CSGALNACT1: variants seen among roughly 807,000 people sequenced by gnomAD.
CSGALNACT1 encodes the protein chondroitin sulfate N-acetylgalactosaminyltransferase 1.
CSGALNACT1 carries 52 observed loss-of-function variants against 51.0 expected under a neutral mutation model. That is an observed-to-expected ratio of 1.02 (90% CI 0.82 to 1.29). The LOEUF (loss-of-function observed/expected upper bound fraction) is 1.29, where lower values mean the gene tolerates loss of function less well. CSGALNACT1 is among the 50% of genes most tolerant of loss of function. CSGALNACT1 has a pLI of 0.00. For missense variants in CSGALNACT1, 935 were observed against 679.2 expected (o/e 1.38, Z -4.19); for synonymous variants, 341 against 254.4 (o/e 1.34, Z -3.24).
At chr8:19,433,042 G>A (rs886826278) in intron 6 of CSGALNACT1, among the ~76,000 whole-genome samples, 6 of 151,868 alleles carry the variant, frequency 4.0e-5, no homozygotes, top group African/African-American at 1.5e-4. Context: ...AATGTATTAT[G>A]GTAAGCCTAG....
chr8:19,515,022 T>C (rs2079245567), intron 3 of CSGALNACT1, among the ~76,000 whole-genome samples: 1 of 152,106 alleles, frequency 6.6e-6, no homozygotes, highest in Admixed American at 6.5e-5. Flanking sequence ...GCATTACAAG[T>C]GTCCTTGGGG....
At chr8:19,426,026 G>A (rs1301670849) in intron 6 of CSGALNACT1, among the ~76,000 whole-genome samples, 2 of 152,192 alleles carry the variant, frequency 1.3e-5, no homozygotes, top group Admixed American at 1.3e-4. Flanking sequence ...AGATCTGTAT[G>A]AGGGGCTCTA....
intron 4 of CSGALNACT1, among the ~76,000 whole-genome samples, chr8:19,474,697 C>T (rs776647854): frequency 1.3e-5 from 2 of 151,440 alleles, no homozygotes; most frequent in African/African-American, 4.9e-5. Flanking sequence ...GGCAAAACCC[C>T]GTCTTTACTA....
chr8:19,493,462 C>G (rs1393836137), intron 4 of CSGALNACT1, among the ~76,000 whole-genome samples: 2 of 152,034 alleles, frequency 1.3e-5, no homozygotes, highest in Non-Finnish European at 2.9e-5. Flanking sequence ...CCAAAAGAAA[C>G]TAAGTATTCA....
intron 3 of CSGALNACT1, among the ~76,000 whole-genome samples, chr8:19,581,066 A>G (rs1363013862): frequency 6.6e-6 from 1 of 152,214 alleles, no homozygotes; most frequent in African/African-American, 2.4e-5. Flanking sequence ...GAGAATAATG[A>G]GAAAGAAGCA....
intron 4 of CSGALNACT1, among the ~76,000 whole-genome samples, chr8:19,474,312 A>T (rs1203213126): frequency 6.6e-6 from 1 of 152,146 alleles, no homozygotes; most frequent in Non-Finnish European, 1.5e-5. Context: ...TTGAATATCT[A>T]CTTTCCAATA....
At chr8:19,636,865 G>A (rs573615427) in intron 1 of CSGALNACT1, among the ~76,000 whole-genome samples, 1 of 152,112 alleles carries the variant, frequency 6.6e-6, no homozygotes, top group Non-Finnish European at 1.5e-5. Context: ...ACTGAAGAAA[G>A]CAAGGACATG....
intron 1 of CSGALNACT1, among the ~76,000 whole-genome samples, chr8:19,642,297 T>C (rs2056823742): frequency 6.6e-6 from 1 of 152,132 alleles, no homozygotes; most frequent in African/African-American, 2.4e-5. Context: ...ACGGTTACAA[T>C]GACTAAGTTC....
chr8:19,419,845 G>A (rs1413578623), intron 7 of CSGALNACT1, among the ~76,000 whole-genome samples: 1 of 152,160 alleles, frequency 6.6e-6, no homozygotes, highest in Non-Finnish European at 1.5e-5. Flanking sequence ...GACGTGGTTT[G>A]GCTGTGTCCC....
At chr8:19,605,128 CAAAAGCA>C (rs2051189680), upstream of CSGALNACT1, among the ~76,000 whole-genome samples, 1 of 151,984 alleles carries the variant, frequency 6.6e-6, no homozygotes, top group East Asian at 1.9e-4. Flanking sequence ...AAGTATTTGC[CAAAAGCA>C]AAAACTAAAT....
At chr8:19,611,927 T>C (rs1182531434) in intron 1 of CSGALNACT1, among the ~76,000 whole-genome samples, 1 of 152,000 alleles carries the variant, frequency 6.6e-6, no homozygotes, top group African/African-American at 2.4e-5. Context: ...CTTGGATCTG[T>C]TGCCTTTATG....
intron 1 of CSGALNACT1, among the ~76,000 whole-genome samples, chr8:19,751,609 C>G (rs1341842633): frequency 1.3e-5 from 2 of 152,114 alleles, no homozygotes; most frequent in Non-Finnish European, 2.9e-5. Flanking sequence ...TGGTTGGGTT[C>G]TATGCCCCCA....
intron 3 of CSGALNACT1, among the ~76,000 whole-genome samples, chr8:19,506,751 G>C (rs115605359): frequency 7.9e-5 from 12 of 152,252 alleles, no homozygotes; most frequent in African/African-American, 2.9e-4. Context: ...ACTCCCTCCT[G>C]CTCCCACCAT....
chr8:19,552,500 T>C (rs369316966), intron 3 of CSGALNACT1, among the ~76,000 whole-genome samples: 4 of 152,286 alleles, frequency 2.6e-5, no homozygotes, highest in African/African-American at 9.6e-5. Flanking sequence ...TTTCTTTTTT[T>C]TGTCTAATAG....
intron 6 of CSGALNACT1, among the ~76,000 whole-genome samples, chr8:19,439,550 T>A (rs1316592592): frequency 6.6e-6 from 1 of 152,222 alleles, no homozygotes. Flanking sequence ...CCCAGTTATA[T>A]GGAAGCTCAA....
At chr8:19,667,405 C>T (rs371233260) in intron 1 of CSGALNACT1, among the ~76,000 whole-genome samples, 3 of 152,184 alleles carry the variant, frequency 2.0e-5, no homozygotes, top group Non-Finnish European at 4.4e-5. Context: ...CACTGCACTC[C>T]AGCCTGAGCA....
At chr8:19,648,347 C>G (rs2057463994) in intron 1 of CSGALNACT1, among the ~76,000 whole-genome samples, 1 of 152,198 alleles carries the variant, frequency 6.6e-6, no homozygotes, top group African/African-American at 2.4e-5. Context: ...CACTCTCATT[C>G]TCTGCTGGAA....
At chr8:19,440,787 T>C (rs2061202069) in intron 5 of CSGALNACT1, among the ~76,000 whole-genome samples, 1 of 151,966 alleles carries the variant, frequency 6.6e-6, no homozygotes, top group South Asian at 2.1e-4. Context: ...TGTCCCTGTT[T>C]GCAGATGACA....
chr8:19,702,481 C>T (rs1356480901), intron 1 of CSGALNACT1, among the ~76,000 whole-genome samples: 1 of 152,076 alleles, frequency 6.6e-6, no homozygotes, highest in Non-Finnish European at 1.5e-5. Context: ...CACTGCACTC[C>T]AGTTTAGGTG....
Sources: allele counts gnomAD v4.1 joint callset (sites outside exome capture counted in the v4.1 genomes callset), GRCh38; gene constraint gnomAD v4.1.1; transcripts MANE v1.5; gene names NCBI Gene and HGNC (gene_info 2026-07-23, HGNC 2026-07-21).